AMOTL1: variants seen among roughly 807,000 people sequenced by gnomAD.
AMOTL1 encodes the protein angiomotin like 1.
In AMOTL1, 45 loss-of-function variants were observed where a neutral mutation model predicts 102.9. The ratio of observed to expected loss-of-function variants is 0.44; its 90% CI spans 0.34 to 0.56. The LOEUF (loss-of-function observed/expected upper bound fraction) is 0.56. Ranked by LOEUF, AMOTL1 falls within the 20% of genes least tolerant of loss-of-function variation. AMOTL1 has a pLI of 0.01. For synonymous variants in AMOTL1, 481 were observed against 484.7 expected (o/e 0.99, Z 0.10); for missense variants, 1,114 against 1,225.6 (o/e 0.91, Z 1.36).
Position 94,837,152 on chromosome 11 carries a change from G to T in AMOTL1, c.1648+5611G>T, listed in dbSNP as rs149296431. The stretch of plus-strand genomic sequence containing the variant: ...AGTTCTAAAAATCAAAGTTTTGTAG[G>T]TCCAGGCTCCAGCAAATTGTCTTGG... On this transcript the variant is annotated intron_variant, in intron 6 of 12. Transcript: ENST00000433060. Among the ~76,000 whole-genome samples, 114 of 152,274 alleles carry T rather than the reference G, an allele frequency of 7.5e-4. 2 individuals carry two copies. The highest frequency in any genetic ancestry group is 2.3e-3 in the African/African-American group (94 of 41,554).
At chr11:94,771,428 A>G (rs1257796906) in intron 1 of AMOTL1, among the ~76,000 whole-genome samples, 2 of 152,114 alleles carry the variant, frequency 1.3e-5, no homozygotes, top group Admixed American at 6.5e-5. Flanking sequence ...AGCAAGGGGT[A>G]GTGTGGAGGT....
intron 9 of AMOTL1, 114 bp from the exon 10 acceptor site, chr11:94,864,621 G>A: frequency 9.7e-6 from 14 of 1,438,786 alleles, no homozygotes; most frequent in Non-Finnish European, 1.2e-5. Context: ...AATGCGAGAT[G>A]CAGAGCTGAT....
chr11:94,712,242 T>C (rs1223942279), intron 1 of AMOTL1, among the ~76,000 whole-genome samples: 1 of 152,062 alleles, frequency 6.6e-6, no homozygotes, highest in Non-Finnish European at 1.5e-5. Context: ...TCCTCTTCAG[T>C]AAAATGTCTA....
At chr11:94,765,517 A>G (rs959444979), upstream of AMOTL1, among the ~76,000 whole-genome samples, 3 of 152,166 alleles carry the variant, frequency 2.0e-5, no homozygotes, top group Non-Finnish European at 4.4e-5. Context: ...CAGATAAGGA[A>G]ATTAAGGCAC....
intron 1 of AMOTL1, among the ~76,000 whole-genome samples, chr11:94,769,479 C>T (rs967784570): frequency 4.6e-5 from 7 of 152,240 alleles, no homozygotes; most frequent in Non-Finnish European, 8.8e-5. Flanking sequence ...TTTCCCCCCT[C>T]AGAGCCCCAG....
chr11:94,767,213 TAA>T (rs930695918), upstream of AMOTL1, among the ~76,000 whole-genome samples: 7 of 151,504 alleles, frequency 4.6e-5, 1 homozygote, highest in Admixed American at 4.6e-4. Flanking sequence ...TTTTGTGTGC[TAA>T]GTTTCTTTTG....
At chr11:94,813,349 T>C (rs1468794665) in intron 3 of AMOTL1, among the ~76,000 whole-genome samples, 1 of 152,226 alleles carries the variant, frequency 6.6e-6, no homozygotes, top group Admixed American at 6.5e-5. Flanking sequence ...ACACTCCATC[T>C]GGGCTCAGGA....
chr11:94,835,313 G>C (rs1210784707), intron 6 of AMOTL1, among the ~76,000 whole-genome samples: 2 of 152,136 alleles, frequency 1.3e-5, no homozygotes, highest in East Asian at 3.9e-4. Flanking sequence ...CTTAACTAAG[G>C]TTCTCATTTT....
At chr11:94,810,014 TTCC>T (rs1423722255) in intron 3 of AMOTL1, among the ~76,000 whole-genome samples, 1 of 152,196 alleles carries the variant, frequency 6.6e-6, no homozygotes, top group East Asian at 1.9e-4. Flanking sequence ...CCTCTTTTTT[TTCC>T]TCCTATTTTA....
intron 1 of AMOTL1, among the ~76,000 whole-genome samples, chr11:94,713,544 G>GT (rs199519137): frequency 0.015 from 2,193 of 150,840 alleles, 66 homozygotes; most frequent in African/African-American, 0.05. Context: ...AGTCTTCTTT[G>GT]TTTTTTTTAA....
In AMOTL1 at chr11:94,768,392, C is replaced by T. The variant is rs1380181762; in HGVS notation, c.-120C>T. The T allele has an allele frequency of 6.6e-7, 1 of 1,505,620 alleles. No individual in the cohort carries two copies. The highest frequency in any genetic ancestry group is 8.9e-7 in the Non-Finnish European group (1 of 1,127,302). The allele number at this position is 1,505,620 out of a possible 1,614,324, so 93.3% of individuals were successfully genotyped here. A position where few individuals can be genotyped will look rare whatever the true frequency, so the allele number is the denominator to read the frequency against. On this transcript the variant is annotated 5_prime_UTR_variant, in exon 1 of 13. Transcript: ENST00000433060. ...AGCTCTAGGACCCAGCAGCGGTTGT[C>T]GGGTTTGGGGCTGGAGGTGAAGCCC...
intron 6 of AMOTL1, among the ~76,000 whole-genome samples, chr11:94,834,207 T>C (rs572480134): frequency 2.8e-4 from 43 of 152,178 alleles, no homozygotes; most frequent in Non-Finnish European, 5.9e-4. Context: ...TTATAAATAT[T>C]GCCCACTTAA....
intron 1 of AMOTL1, among the ~76,000 whole-genome samples, chr11:94,774,729 A>T (rs1197576819): frequency 1.3e-5 from 2 of 152,222 alleles, no homozygotes; most frequent in Admixed American, 6.5e-5. Context: ...AGCAATGCTG[A>T]TGCTGCTGGT....
intron 9 of AMOTL1, among the ~76,000 whole-genome samples, chr11:94,860,269 A>C (rs1193946763): frequency 2.0e-5 from 3 of 152,344 alleles, no homozygotes; most frequent in African/African-American, 7.2e-5. Context: ...AGAGAGGTAC[A>C]GTGGTTGATT....
At chr11:94,728,901 A>T in intron 1 of AMOTL1, 2 of 1,112,690 alleles carry the variant, frequency 1.8e-6, no homozygotes, top group Admixed American at 2.7e-5. Flanking sequence ...TCCCTTTTTT[A>T]TATTCATTAT....
intron 6 of AMOTL1, among the ~76,000 whole-genome samples, chr11:94,843,308 C>T (rs1367660985): frequency 6.6e-6 from 1 of 152,120 alleles, no homozygotes; most frequent in Non-Finnish European, 1.5e-5. Context: ...AACCAGTGCT[C>T]TTTTTGGATT....
At chr11:94,743,455 C>A (rs1188689067) in intron 3 of AMOTL1, among the ~76,000 whole-genome samples, 1 of 152,100 alleles carries the variant, frequency 6.6e-6, no homozygotes, top group Non-Finnish European at 1.5e-5. Context: ...TCATTTCTCC[C>A]TTGGAAAGAG....
intron 3 of AMOTL1, among the ~76,000 whole-genome samples, chr11:94,803,325 T>C (rs1227155781): frequency 6.6e-6 from 1 of 152,188 alleles, no homozygotes; most frequent in African/African-American, 2.4e-5. Flanking sequence ...TAAGGCCCTT[T>C]AGGCCCCTTT....
At chr11:94,758,098 A>G (rs1950748481) in intron 3 of AMOTL1, among the ~76,000 whole-genome samples, 1 of 152,194 alleles carries the variant, frequency 6.6e-6, no homozygotes, top group South Asian at 2.1e-4. Context: ...GCAAAAACAG[A>G]CTTGAATCTT....
Sources: allele counts gnomAD v4.1 joint callset (sites outside exome capture counted in the v4.1 genomes callset), GRCh38; gene constraint gnomAD v4.1.1; transcripts MANE v1.5; gene names NCBI Gene and HGNC (gene_info 2026-07-23, HGNC 2026-07-21).